The following SCEL variants were observed in gnomAD, a reference collection of about 807,000 sequenced individuals.
The protein encoded by SCEL is sciellin.
Under a neutral mutation model 117.6 loss-of-function variants are expected in SCEL, and 113 were observed. The ratio of observed to expected loss-of-function variants is 0.96; its 90% CI spans 0.83 to 1.12. SCEL has a LOEUF of 1.12. Ranked by LOEUF, SCEL falls within the 50% of genes most tolerant of loss-of-function variation. The pLI, the probability that SCEL is intolerant of heterozygous loss-of-function variation, is 0.00. For synonymous variants in SCEL, 270 were observed against 256.2 expected (o/e 1.05, Z -0.51); for missense variants, 785 against 810.8 (o/e 0.97, Z 0.39).
At chr13:77,607,988 ATCT>A (rs2088344821) in intron 19 of SCEL, 65 bp from the exon 20 acceptor site, 3 of 1,235,590 alleles carry the variant, frequency 2.4e-6, no homozygotes, top group East Asian at 2.3e-5. Flanking sequence ...AAATAGCTTT[ATCT>A]TCTTGTTGTC....
intron 8 of SCEL, among the ~76,000 whole-genome samples, chr13:77,571,197 C>G (rs1253718087): frequency 6.6e-6 from 1 of 150,540 alleles, no homozygotes; most frequent in African/African-American, 2.4e-5. Flanking sequence ...AATCCCAGCA[C>G]TTTGGGAGGC....
intron 16 of SCEL, 165 bp from the exon 17 acceptor site, chr13:77,602,489 G>A: frequency 4.9e-6 from 3 of 616,998 alleles, no homozygotes; most frequent in Non-Finnish European, 5.8e-6. Context: ...AAATGCTATT[G>A]TGGAAATTAC....
intron 24 of SCEL, among the ~76,000 whole-genome samples, chr13:77,617,158 A>G (rs1041049227): frequency 1.3e-5 from 2 of 152,120 alleles, no homozygotes; most frequent in Non-Finnish European, 2.9e-5. Flanking sequence ...AAAAGTCACA[A>G]TTTTGATGGA....
In SCEL at chr13:77,572,178, A is replaced by G; in HGVS notation, c.534A>G (p.Gly178=). 5 of 1,611,624 alleles carry G rather than the reference A, an allele frequency of 3.1e-6. No homozygotes were observed. Among genetic ancestry groups the G allele is most frequent in the Non-Finnish European group, 4.2e-6 (5 of 1,178,628 alleles). Residue 178 remains glycine, a synonymous_variant, in exon 9 of 33, where the codon GGA becomes GGG. Coordinates refer to ENST00000349847, the MANE Select transcript of SCEL (RefSeq NM_144777.3). ...GTTACAATGCCTCCTCGAGCACAGG[A>G]ACCAGGAGACGGTAAGGGAAAGGTG... ...PPGYNASSST[G]TRRREPGVHP... is the part of the protein sequence containing the mutation.
chr13:77,558,026 A>G (rs2084758703), intron 3 of SCEL, among the ~76,000 whole-genome samples: 1 of 152,246 alleles, frequency 6.6e-6, no homozygotes, highest in Admixed American at 6.5e-5. Context: ...ACTATTGGAC[A>G]ACAATCATTT....
chr13:77,573,892 C>T (rs2085789543), intron 9 of SCEL, among the ~76,000 whole-genome samples: 1 of 152,110 alleles, frequency 6.6e-6, no homozygotes, highest in Non-Finnish European at 1.5e-5. Context: ...CATTCTTTCC[C>T]CTCAGGCTGT....
chr13:77,582,184 G>C (rs756780268), intron 9 of SCEL, among the ~76,000 whole-genome samples: 2 of 152,044 alleles, frequency 1.3e-5, no homozygotes, highest in Non-Finnish European at 2.9e-5. Context: ...TCATATGTTT[G>C]CATGTGTTTG....
chr13:77,617,894 A>T (rs777783381), intron 26 of SCEL, 32 bp downstream of exon 26: 1 of 1,587,314 alleles, frequency 6.3e-7, no homozygotes, highest in South Asian at 1.1e-5. Flanking sequence ...TCATGTTTTT[A>T]TTTGTCTGTT....
At chr13:77,623,298 C>T (rs1451424907) in intron 27 of SCEL, 1 of 152,162 alleles carries the variant, frequency 6.6e-6, no homozygotes, top group Non-Finnish European at 1.5e-5. Context: ...TAAATACACA[C>T]TTTGTACTTT....
Position 77,642,639 on chromosome 13 carries a change from G to A in SCEL, c.1948-67G>A, listed in dbSNP as rs186360700. On this transcript the variant is annotated intron_variant, in intron 31 of 32. Transcript: ENST00000349847. ...AGTGCCTCGATGGTAGAGAGATGAT[G>A]TCTGTTCCTCTAATAATCTAGATTT... 2.9e-3 allele frequency: 2,748 copies of A among 957,454 alleles called. 9 individuals carry two copies. Among genetic ancestry groups the A allele is most frequent in the Non-Finnish European group, 4.0e-3 (2,499 of 630,350 alleles). The allele number at this position is 957,454 out of a possible 1,614,324, so 59.3% of individuals were successfully genotyped here. A position where few individuals can be genotyped will look rare whatever the true frequency, so the allele number is the denominator to read the frequency against.
intron 10 of SCEL, among the ~76,000 whole-genome samples, 200 bp from the exon 11 acceptor site, chr13:77,591,195 C>A (rs934258347): frequency 6.6e-5 from 10 of 152,026 alleles, no homozygotes; most frequent in Non-Finnish European, 1.5e-4. Context: ...TACAAATATG[C>A]GATAAAGATA....
intron 28 of SCEL, among the ~76,000 whole-genome samples, chr13:77,628,771 C>A (rs2089893141): frequency 6.6e-6 from 1 of 152,114 alleles, no homozygotes; most frequent in Non-Finnish European, 1.5e-5. Flanking sequence ...AGGAAAAGAG[C>A]TGGCTCATTT....
chr13:77,620,132 C>T (rs4142583), intron 27 of SCEL, among the ~76,000 whole-genome samples: 3,717 of 152,188 alleles, frequency 0.024, 150 homozygotes, highest in East Asian at 0.13. Flanking sequence ...CTAACCTAAC[C>T]TATGTCTAAT....
Position 77,591,415 on chromosome 13 carries a change from C to G in SCEL, c.647C>G (p.Pro216Arg). 1 of 1,587,792 alleles carries G rather than the reference C, an allele frequency of 6.3e-7. No homozygotes were observed. Among genetic ancestry groups the G allele is most frequent in the Non-Finnish European group, 8.6e-7 (1 of 1,157,696 alleles). The change falls in exon 11 of 33, where the codon CCA (proline) becomes CGA (arginine). Residue 216 changes from proline to arginine, a missense_variant. Transcript: ENST00000349847. ...QDNRQIHPPKPGVYTETNRSA... is the reference protein window; with the variant it reads ...QDNRQIHPPKRGVYTETNRSA... ...TATAGGCAGATACATCCACCTAAAC[C>G]AGGTGTATATACAGAAACCAACAGA...
At chr13:77,593,297 T>TGCGCGCGCG (rs776632183) in intron 11 of SCEL, among the ~76,000 whole-genome samples, 2 of 117,108 alleles carry the variant, frequency 1.7e-5, no homozygotes, top group Non-Finnish European at 3.8e-5. Flanking sequence ...TGTGTGTGTG[T>TGCGCGCGCG]CTGTGTGTGT....
chr13:77,610,072 A>G lies in SCEL; in HGVS notation c.1303A>G (p.Lys435Glu). The change falls in exon 22 of 33, where the codon AAA (lysine) becomes GAA (glutamate). Residue 435 changes from lysine to glutamate, a missense_variant. By Grantham distance (56) the Lys-to-Glu change is moderately conservative (BLOSUM62 1). Transcript: ENST00000349847. ...GGGCCAAAGTCTCGACAGCCTCATT[A>G]AAGTGACTCCTGAAAGAAACAGAAC... Reference protein sequence around the residue: ...EGGQSLDSLIKVTPERNRTNQ... With the variant: ...EGGQSLDSLIEVTPERNRTNQ... The G allele has an allele frequency of 6.2e-7, 1 of 1,610,738 alleles. No individual in the cohort carries two copies. The highest frequency in any genetic ancestry group is 2.2e-5 in the East Asian group (1 of 44,644).
chr13:77,612,076 C>T (rs2088675959), intron 22 of SCEL, among the ~76,000 whole-genome samples: 1 of 152,068 alleles, frequency 6.6e-6, no homozygotes, highest in Non-Finnish European at 1.5e-5. Context: ...GAAGGATACA[C>T]ACATGATAAA....
chr13:77,593,682 A>G, intron 12 of SCEL, 109 bp downstream of exon 12: 2 of 676,372 alleles, frequency 3.0e-6, no homozygotes, highest in Non-Finnish European at 5.1e-6. Context: ...AGTGCTGTAT[A>G]TCGTATATAA....
At position 77,644,360 on chromosome 13, in the gene SCEL, A is replaced by C; in HGVS notation, c.*86A>C. 7.5e-7 allele frequency: 1 copy of C among 1,338,756 alleles called. No individual in the cohort carries two copies. Among genetic ancestry groups the C allele is most frequent in the Non-Finnish European group, 1.1e-6 (1 of 944,964 alleles). 82.9% of individuals were successfully genotyped at this position (1,338,756 alleles called of 1,614,324 possible). On this transcript the variant is annotated 3_prime_UTR_variant, in exon 33 of 33. Coordinates refer to ENST00000349847, the MANE Select transcript of SCEL (RefSeq NM_144777.3). ...ATCTTAATAATATGTAATCTAGAAAAGCTTTCACATTGAAGATCAACTCTT... is the reference window on the plus strand; with the variant it reads ...ATCTTAATAATATGTAATCTAGAAACGCTTTCACATTGAAGATCAACTCTT...
Sources: gnomAD v4.1 joint callset for allele counts (sites outside exome capture counted in the v4.1 genomes callset) on GRCh38, gnomAD v4.1.1 for gene constraint, MANE v1.5 for transcripts, NCBI Gene and HGNC (gene_info 2026-07-23, HGNC 2026-07-21) for gene names.